The following LINGO2 variants were observed in gnomAD, a reference collection of about 807,000 sequenced individuals.
LINGO2 encodes leucine-rich repeat and immunoglobulin-like domain-containing nogo receptor-interacting protein 2.
LINGO2 carries 14 observed loss-of-function variants against 30.6 expected under a neutral mutation model. The ratio of observed to expected loss-of-function variants is 0.46; its 90% CI spans 0.30 to 0.72. The LOEUF (loss-of-function observed/expected upper bound fraction) is 0.72. LINGO2 is among the 30% of genes least tolerant of loss of function. LINGO2 has a pLI of 0.07. For missense variants in LINGO2, 729 were observed against 751.7 expected (o/e 0.97, Z 0.35); for synonymous variants, 317 against 288.5 (o/e 1.10, Z -1.00).
At chr9:28,259,064 T>C (rs975131114) in intron 4 of LINGO2, among the ~76,000 whole-genome samples, 1 of 152,124 alleles carries the variant, frequency 6.6e-6, no homozygotes, top group African/African-American at 2.4e-5. Flanking sequence ...AATTAGTCTG[T>C]TTGCATGTGT....
chr9:28,872,949 A>G, the LINGO2 span, among the ~76,000 whole-genome samples: 3 of 152,308 alleles, frequency 2.0e-5, no homozygotes, highest in East Asian at 5.8e-4. Context: ...TTAGGATTCC[A>G]TTTGCAATGA....
intron 3 of LINGO2, among the ~76,000 whole-genome samples, chr9:28,348,073 T>C (rs1232828331): frequency 6.6e-6 from 1 of 152,100 alleles, no homozygotes; most frequent in Non-Finnish European, 1.5e-5. Flanking sequence ...GTAGGTATAG[T>C]GAATATAAGC....
At chr9:29,082,588 A>G in the LINGO2 span, among the ~76,000 whole-genome samples, 1 of 152,162 alleles carries the variant, frequency 6.6e-6, no homozygotes, top group Admixed American at 6.5e-5. Flanking sequence ...AATGGGATCT[A>G]ATTAAACTAA....
chr9:28,844,445 G>GCACT, the LINGO2 span, among the ~76,000 whole-genome samples: 1 of 151,842 alleles, frequency 6.6e-6, no homozygotes, highest in East Asian at 1.9e-4. Flanking sequence ...TTCTGTCAAG[G>GCACT]CACTGACTGA....
chr9:28,411,950 T>C (rs938920172), intron 2 of LINGO2, among the ~76,000 whole-genome samples: 1 of 152,064 alleles, frequency 6.6e-6, no homozygotes, highest in Non-Finnish European at 1.5e-5. Flanking sequence ...TTAAAAATAT[T>C]GATTTCAATA....
the LINGO2 span, among the ~76,000 whole-genome samples, chr9:28,708,320 T>C: frequency 1.3e-5 from 2 of 152,050 alleles, no homozygotes; most frequent in South Asian, 2.1e-4. Flanking sequence ...TAGGTATGTA[T>C]CATGTATAAT....
rs370176153 is a variant in LINGO2, at chr9:28,266,900, C to T, written c.-87+28308G>A. Among the ~76,000 whole-genome samples the T allele has an allele frequency of 2.0e-5, 3 of 152,076 alleles. No individual in the cohort carries two copies. The East Asian group carries it at 5.8e-4, about 30-fold the overall frequency. ...TCATTATTCCACATCACAGGACAAT[C>T]GTGGACATCTGAACATAATACACTA... On this transcript the variant is annotated intron_variant, in intron 4 of 5. Coordinates refer to ENST00000379992, the Ensembl canonical transcript of LINGO2.
At chr9:28,990,952 G>C in the LINGO2 span, among the ~76,000 whole-genome samples, 1 of 152,206 alleles carries the variant, frequency 6.6e-6, no homozygotes, top group Admixed American at 6.5e-5. Context: ...CTAAAAAGCA[G>C]AGCACTTCTC....
At chr9:28,869,255 ACTGACAAAT>A in the LINGO2 span, among the ~76,000 whole-genome samples, 3 of 152,212 alleles carry the variant, frequency 2.0e-5, no homozygotes, top group Non-Finnish European at 2.9e-5. Flanking sequence ...CATCAGGTAA[ACTGACAAAT>A]CTGCAAATAT....
chr9:28,517,989 TG>T (rs1820690648), intron 1 of LINGO2, among the ~76,000 whole-genome samples: 1 of 152,162 alleles, frequency 6.6e-6, no homozygotes, highest in Non-Finnish European at 1.5e-5. Flanking sequence ...CAAAGCCAAT[TG>T]GATTCCAAGA....
At chr9:28,513,348 C>T (rs2135373483) in intron 1 of LINGO2, among the ~76,000 whole-genome samples, 1 of 152,290 alleles carries the variant, frequency 6.6e-6, no homozygotes, top group South Asian at 2.1e-4. Context: ...AGTGAATATT[C>T]TTTTAAATAA....
intron 2 of LINGO2, among the ~76,000 whole-genome samples, chr9:28,399,266 A>G (rs1335321038): frequency 6.6e-6 from 1 of 152,224 alleles, no homozygotes; most frequent in Non-Finnish European, 1.5e-5. Flanking sequence ...AAAAACCTTA[A>G]AAGTCTGTGT....
the LINGO2 span, among the ~76,000 whole-genome samples, chr9:29,195,956 C>T: frequency 1.3e-5 from 2 of 152,074 alleles, no homozygotes; most frequent in South Asian, 2.1e-4. Flanking sequence ...TAGTTATCAA[C>T]CATCTTTGGA....
chr9:28,474,770 G>T (rs960753433), intron 2 of LINGO2, among the ~76,000 whole-genome samples: 49 of 152,126 alleles, frequency 3.2e-4, no homozygotes, highest in African/African-American at 1.2e-3. Context: ...GTGCTGTATG[G>T]TCAGCTGTCA....
At chr9:28,304,718 A>G (rs1285290296) in intron 3 of LINGO2, among the ~76,000 whole-genome samples, 2 of 152,000 alleles carry the variant, frequency 1.3e-5, no homozygotes, top group African/African-American at 4.8e-5. Flanking sequence ...ATTTGTTTAG[A>G]TCTATGTTTA....
At chr9:28,262,622 G>A (rs894803008) in intron 4 of LINGO2, among the ~76,000 whole-genome samples, 6 of 151,902 alleles carry the variant, frequency 3.9e-5, no homozygotes, top group Non-Finnish European at 7.4e-5. Flanking sequence ...ACTGAACTGC[G>A]TTCAGAAGAA....
chr9:27,971,793 T>C (rs1442236927), intron 5 of LINGO2, among the ~76,000 whole-genome samples: 2 of 152,198 alleles, frequency 1.3e-5, no homozygotes, highest in African/African-American at 4.8e-5. Flanking sequence ...CAGATTTCAA[T>C]GGCATCTCTT....
intron 4 of LINGO2, among the ~76,000 whole-genome samples, chr9:28,211,954 G>C (rs1206071977): frequency 6.7e-6 from 1 of 150,128 alleles, no homozygotes; most frequent in Non-Finnish European, 1.5e-5. Context: ...ATTACTTTCA[G>C]TGGCAAAAAC....
At chr9:28,183,646 C>T (rs1481360238) in intron 4 of LINGO2, among the ~76,000 whole-genome samples, 1 of 152,066 alleles carries the variant, frequency 6.6e-6, no homozygotes, top group Non-Finnish European at 1.5e-5. Context: ...AATGTGACTA[C>T]AGAAAACTGT....
Sources: gnomAD v4.1 joint callset for allele counts (sites outside exome capture counted in the v4.1 genomes callset) on GRCh38, gnomAD v4.1.1 for gene constraint, MANE v1.5 for transcripts, NCBI Gene and HGNC (gene_info 2026-07-23, HGNC 2026-07-21) for gene names.